TNFRSF19: variants seen among roughly 807,000 people sequenced by gnomAD.
TNFRSF19 encodes tumor necrosis factor receptor superfamily member 19.
A neutral mutation model predicts 46.4 loss-of-function variants in TNFRSF19; 27 were observed. The ratio of observed to expected loss-of-function variants is 0.58; its 90% CI spans 0.43 to 0.80. TNFRSF19 has a LOEUF of 0.80. TNFRSF19 is among the 30% of genes least tolerant of loss of function. The pLI, the probability that TNFRSF19 is intolerant of heterozygous loss-of-function variation, is 0.00. For synonymous variants in TNFRSF19, 204 were observed against 205.0 expected (o/e 1.00, Z 0.04); for missense variants, 511 against 530.8 (o/e 0.96, Z 0.37).
intron 4 of TNFRSF19, among the ~76,000 whole-genome samples, chr13:23,619,929 G>A (rs993135139): frequency 1.1e-4 from 16 of 152,206 alleles, no homozygotes; most frequent in Admixed American, 7.9e-4. Flanking sequence ...CTGCTTCCCC[G>A]TGGTCCTTGT....
chr13:23,572,866 A>T (rs982007236), intron 1 of TNFRSF19, among the ~76,000 whole-genome samples: 2 of 152,212 alleles, frequency 1.3e-5, no homozygotes, highest in Admixed American at 6.5e-5. Context: ...ACATTTTTCA[A>T]AGCACTTTCC....
At position 23,646,076 on chromosome 13, in the gene TNFRSF19, C is replaced by T. The variant is rs756141424; in HGVS notation, c.446-12974C>T. ...ACAGTTCTCAAATCAAGCCAGCTGACAAGCCTCCATGACTGTAATCTTAAC... is the reference window on the plus strand; with the variant it reads ...ACAGTTCTCAAATCAAGCCAGCTGATAAGCCTCCATGACTGTAATCTTAAC... On this transcript the variant is annotated intron_variant, in intron 5 of 9. Coordinates refer to ENST00000248484, the MANE Select transcript of TNFRSF19 (RefSeq NM_148957.4). 7.2e-5 allele frequency among the ~76,000 whole-genome samples: 11 copies of T among 152,296 alleles called. 1 individual carries two copies. The highest frequency in any genetic ancestry group is 1.2e-4 in the African/African-American group (5 of 41,560).
chr13:23,590,239 T>A lies in TNFRSF19; in HGVS notation c.56T>A (p.Leu19Ter). 1 of 1,586,108 alleles carries A rather than the reference T, an allele frequency of 6.3e-7. No homozygotes were observed. Among genetic ancestry groups the A allele is most frequent in the Non-Finnish European group, 8.6e-7 (1 of 1,166,032 alleles). Residue 19 changes from leucine (L) to a stop codon, truncating the protein, a stop_gained, in exon 2 of 10, where the codon TTA becomes TAA. Coordinates refer to ENST00000248484, the MANE Select transcript of TNFRSF19 (RefSeq NM_148957.4). LOFTEE classifies it high-confidence loss of function. ...AAAACGTTTTTCACTCTTTTAGTATTACTAGGCTATTTGGTAAGTAAAGTC... is the reference window on the plus strand; with the variant it reads ...AAAACGTTTTTCACTCTTTTAGTATAACTAGGCTATTTGGTAAGTAAAGTC... ...QEKTFFTLLVLLGYLSCKVTC... is the reference protein window; with the variant it reads ...QEKTFFTLLV
intron 5 of TNFRSF19, among the ~76,000 whole-genome samples, chr13:23,640,251 G>A (rs527543311): frequency 4.6e-5 from 7 of 152,320 alleles, no homozygotes; most frequent in Admixed American, 3.9e-4. Context: ...ACCAAGTAGA[G>A]ACTTGGTGAC....
intron 5 of TNFRSF19, among the ~76,000 whole-genome samples, chr13:23,658,824 C>G (rs1012239973): frequency 3.3e-5 from 5 of 152,188 alleles, no homozygotes; most frequent in African/African-American, 4.8e-5. Flanking sequence ...CCGTAGCGCT[C>G]TGGGAACAGA....
intron 5 of TNFRSF19, among the ~76,000 whole-genome samples, chr13:23,638,764 G>A (rs1014522660): frequency 6.6e-6 from 1 of 152,074 alleles, no homozygotes; most frequent in Non-Finnish European, 1.5e-5. Flanking sequence ...CTCACCCCGT[G>A]CCTCTGAACC....
chr13:23,599,895 G>C (rs369302370), intron 3 of TNFRSF19, among the ~76,000 whole-genome samples: 1 of 151,016 alleles, frequency 6.6e-6, no homozygotes, highest in East Asian at 2.0e-4. Flanking sequence ...TGGCCAAGAG[G>C]GGGGGTCCAT....
At chr13:23,591,802 T>G (rs1879329436) in intron 2 of TNFRSF19, among the ~76,000 whole-genome samples, 1 of 151,036 alleles carries the variant, frequency 6.6e-6, no homozygotes, top group South Asian at 2.1e-4. Flanking sequence ...CTTGGCTCAC[T>G]GCAACCTCCG....
intron 4 of TNFRSF19, among the ~76,000 whole-genome samples, chr13:23,625,284 A>C (rs1317114688): frequency 1.3e-5 from 2 of 150,202 alleles, no homozygotes; most frequent in African/African-American, 4.9e-5. Context: ...GATTGTGCCT[A>C]ATTAGCTTTT....
In TNFRSF19 at chr13:23,659,053, C is replaced by T; in HGVS notation, c.449C>T (p.Ala150Val). Reference sequence around the variant, plus strand: ...GACCCCATTCCTGTGGTTTCAGGTGCCAGCAAGGTCAACCTCGTGAAGATC... The same window carrying T: ...GACCCCATTCCTGTGGTTTCAGGTGTCAGCAAGGTCAACCTCGTGAAGATC... ...DPPPPYEPHCASKVNLVKIAS... is the reference protein window; with the variant it reads ...DPPPPYEPHCVSKVNLVKIAS... Residue 150 changes from alanine to valine, a missense_variant, in exon 6 of 10, where the codon GCC (alanine) becomes GTC (valine). This residue lies in a region of TNFRSF19 where 376 missense variants were observed against 372.7 expected (regional missense o/e 1.01). Transcript: ENST00000248484. The surrounding 1 kb of genome is among the most constrained non-coding windows in gnomAD (Gnocchi z 4.9). 1 of 1,613,436 alleles carries T rather than the reference C, an allele frequency of 6.2e-7. No homozygotes were observed. Among genetic ancestry groups the T allele is most frequent in the Non-Finnish European group, 8.5e-7 (1 of 1,180,030 alleles).
chr13:23,587,540 C>T (rs1566165534), intron 1 of TNFRSF19, among the ~76,000 whole-genome samples: 1 of 151,004 alleles, frequency 6.6e-6, no homozygotes, highest in South Asian at 2.1e-4. Context: ...TAAATAAATA[C>T]ATGATTAAAT....
intron 4 of TNFRSF19, among the ~76,000 whole-genome samples, chr13:23,618,664 A>C (rs1400655379): frequency 6.6e-6 from 1 of 152,220 alleles, no homozygotes; most frequent in Non-Finnish European, 1.5e-5. Context: ...ACTCTTAGGT[A>C]TATAACCAAG....
chr13:23,596,739 G>C (rs1879759396), intron 3 of TNFRSF19, among the ~76,000 whole-genome samples: 1 of 152,100 alleles, frequency 6.6e-6, no homozygotes, highest in African/African-American at 2.4e-5. Flanking sequence ...ACTCAGCTCT[G>C]GATCAATTGG....
In TNFRSF19 at chr13:23,659,029, A is replaced by T; in HGVS notation, c.446-21A>T. ...ATCTGCAGTTGTTCAGAGCATGCTG[A>T]CCCCATTCCTGTGGTTTCAGGTGCC... On this transcript the variant is annotated intron_variant, in intron 5 of 9. Transcript: ENST00000248484. The surrounding 1 kb of genome is among the most constrained non-coding windows in gnomAD (Gnocchi z 4.9). The T allele has an allele frequency of 6.2e-7, 1 of 1,612,492 alleles. No homozygotes were observed. The highest frequency in any genetic ancestry group is 8.5e-7 in the Non-Finnish European group (1 of 1,180,002).
Position 23,675,396 on chromosome 13 carries a change from A to T in TNFRSF19, c.*2016A>T, listed in dbSNP as rs1014359703. 1 of 152,206 alleles carries T rather than the reference A, an allele frequency of 6.6e-6. No homozygotes were observed. The highest frequency in any genetic ancestry group is 1.5e-5 in the Non-Finnish European group (1 of 68,038). 9.4% of individuals were successfully genotyped at this position (152,206 alleles called of 1,614,324 possible). A position where few individuals can be genotyped will look rare whatever the true frequency, so the allele number is the denominator to read the frequency against. ...GCCCTGATTAACTTCAAGGACAAAC[A>T]CTGGCTGGAGAAAGCCAGACTGATG... is the stretch of plus-strand genomic sequence containing the variant. On this transcript the variant is annotated 3_prime_UTR_variant, in exon 10 of 10. Coordinates refer to ENST00000248484, the MANE Select transcript of TNFRSF19 (RefSeq NM_148957.4).
At chr13:23,639,628 C>G (rs1049403178) in intron 5 of TNFRSF19, among the ~76,000 whole-genome samples, 2 of 152,172 alleles carry the variant, frequency 1.3e-5, no homozygotes, top group African/African-American at 4.8e-5. Flanking sequence ...TGCTTCTTCC[C>G]TAGGTAGCTC....
At chr13:23,647,038 T>G (rs866332833) in intron 5 of TNFRSF19, among the ~76,000 whole-genome samples, 3 of 152,246 alleles carry the variant, frequency 2.0e-5, no homozygotes, top group African/African-American at 7.2e-5. Context: ...TAATTATTAA[T>G]GGTGAGCATC....
intron 1 of TNFRSF19, among the ~76,000 whole-genome samples, chr13:23,576,769 A>G (rs1409183138): frequency 6.6e-6 from 1 of 152,240 alleles, no homozygotes; most frequent in African/African-American, 2.4e-5. Flanking sequence ...TGTTCAGTAC[A>G]GACACAACCA....
intron 7 of TNFRSF19, among the ~76,000 whole-genome samples, chr13:23,663,768 C>T (rs1267974631): frequency 6.6e-6 from 1 of 152,016 alleles, no homozygotes; most frequent in Non-Finnish European, 1.5e-5. Context: ...ATTTATCTGT[C>T]TCTTCTAGGT....
Sources: allele counts gnomAD v4.1 joint callset (sites outside exome capture counted in the v4.1 genomes callset), GRCh38; gene constraint gnomAD v4.1.1; regional missense constraint gnomAD v4.1.1; non-coding constraint Gnocchi (gnomAD v3.1); transcripts MANE v1.5; gene names NCBI Gene and HGNC (gene_info 2026-07-23, HGNC 2026-07-21).